BSPRY: variants seen among roughly 807,000 people sequenced by gnomAD.
BSPRY encodes the protein B box and SPRY domain-containing protein.
A neutral mutation model predicts 38.0 loss-of-function variants in BSPRY; 33 were observed. That is an observed-to-expected ratio of 0.87 (90% confidence interval 0.66 to 1.16). The LOEUF (loss-of-function observed/expected upper bound fraction) is 1.16. BSPRY is among the 50% of genes most tolerant of loss of function. BSPRY has a pLI of 0.00. For missense variants in BSPRY, 523 were observed against 533.2 expected (o/e 0.98, Z 0.19); for synonymous variants, 224 against 228.5 (o/e 0.98, Z 0.18).
Position 113,360,563 on chromosome 9 carries a change from T to G in BSPRY, c.357T>G (p.Ser119Arg), listed in dbSNP as rs1192091518. The G allele has an allele frequency of 3.7e-6, 6 of 1,607,446 alleles. No individual in the cohort carries two copies. Among genetic ancestry groups the G allele is most frequent in the Non-Finnish European group, 5.1e-6 (6 of 1,178,458 alleles). Residue 119 changes from serine to arginine, a missense_variant, in exon 3 of 6, where the codon AGT becomes AGG. Coordinates refer to ENST00000374183, the MANE Select transcript of BSPRY (RefSeq NM_017688.3). Reference sequence around the variant, plus strand: ...TCCAGCGGTTGAGTCTGGTGAGGAGTCTTTGCGAGAGCGAGGAGCAGCGGT... The same window carrying G: ...TCCAGCGGTTGAGTCTGGTGAGGAGGCTTTGCGAGAGCGAGGAGCAGCGGT... ...LVIQRLSLVR[S>R]LCESEEQRLL...
chr9:113,363,907 A>AAT (rs1834199166), intron 4 of BSPRY, among the ~76,000 whole-genome samples: 1 of 134,210 alleles, frequency 7.5e-6, no homozygotes, highest in South Asian at 2.4e-4. Flanking sequence ...AAAAAAAAAA[A>AAT]GCTGGGCGTG....
rs1450018196 is a variant in BSPRY, at chr9:113,349,684, C to T, written c.105C>T (p.Ser35=). 1 of 1,240,008 alleles carries T rather than the reference C, an allele frequency of 8.1e-7. No individual in the cohort carries two copies. Among genetic ancestry groups the T allele is most frequent in the South Asian group, 3.3e-5 (1 of 30,494 alleles). 76.8% of individuals were successfully genotyped at this position (1,240,008 alleles called of 1,614,324 possible). ...HGQALSWFCG[S]ERRPVCAACA... is the part of the protein sequence containing the mutation. ...AGGCTCTGAGCTGGTTCTGCGGCTCCGAGCGACGGCCCGTGTGCGCCGCCT... is the reference window on the plus strand; with the variant it reads ...AGGCTCTGAGCTGGTTCTGCGGCTCTGAGCGACGGCCCGTGTGCGCCGCCT... The change falls in exon 1 of 6, where the codon TCC becomes TCT. Residue 35 remains serine, a synonymous_variant. Transcript: ENST00000374183.
At chr9:113,361,278 T>C (rs1356349723) in intron 3 of BSPRY, among the ~76,000 whole-genome samples, 1 of 152,246 alleles carries the variant, frequency 6.6e-6, no homozygotes, top group Non-Finnish European at 1.5e-5. Flanking sequence ...AAGTCTGCCT[T>C]ACTGTGCTCT....
chr9:113,364,327 G>C (rs868848824), intron 4 of BSPRY, among the ~76,000 whole-genome samples: 20 of 152,174 alleles, frequency 1.3e-4, no homozygotes, highest in Admixed American at 2.0e-4. Context: ...AAATATTGCA[G>C]TGTAGACGGA....
intron 4 of BSPRY, among the ~76,000 whole-genome samples, chr9:113,366,075 G>A (rs975098828): frequency 6.6e-6 from 1 of 152,108 alleles, no homozygotes; most frequent in Non-Finnish European, 1.5e-5. Flanking sequence ...AAAGTGCTGG[G>A]ATTACAGGCA....
At chr9:113,364,579 C>T (rs944075173) in intron 4 of BSPRY, among the ~76,000 whole-genome samples, 1 of 151,894 alleles carries the variant, frequency 6.6e-6, no homozygotes, top group Non-Finnish European at 1.5e-5. Flanking sequence ...GGTAGTATAA[C>T]GAGCTTCACG....
chr9:113,369,921 T>G lies in BSPRY; in HGVS notation c.988T>G (p.Tyr330Asp). 6.2e-7 allele frequency: 1 copy of G among 1,614,238 alleles called. No individual in the cohort carries two copies. The highest frequency in any genetic ancestry group is 8.5e-7 in the Non-Finnish European group (1 of 1,180,042). Residue 330 changes from tyrosine (Y) to aspartate (D), a missense_variant, in exon 6 of 6, where the codon TAT becomes GAT. Transcript: ENST00000374183. Reference protein sequence around the residue: ...HNAFSWVFSRYDQEFRFSHNG... With the variant: ...HNAFSWVFSRDDQEFRFSHNG... ...TGCCTTCTCCTGGGTCTTCTCTCGC[T>G]ATGATCAGGAGTTTCGTTTCTCACA...
intron 2 of BSPRY, among the ~76,000 whole-genome samples, chr9:113,359,174 GT>G (rs1834111120): frequency 6.6e-6 from 1 of 152,146 alleles, no homozygotes; most frequent in Non-Finnish European, 1.5e-5. Flanking sequence ...TATGAGGTAG[GT>G]ACTATTATTA....
intron 3 of BSPRY, among the ~76,000 whole-genome samples, chr9:113,361,876 G>A (rs192894727): frequency 7.0e-4 from 106 of 152,328 alleles, no homozygotes; most frequent in Admixed American, 6.9e-3. Flanking sequence ...CACAAGCAGA[G>A]GAAAGAGAAT....
rs1588069401 is a variant in BSPRY, at chr9:113,368,155, G to A, written c.558-104G>A. 13 of 1,424,330 alleles carry A rather than the reference G, an allele frequency of 9.1e-6. No individual in the cohort carries two copies. In the South Asian group the frequency reaches 1.0e-4, roughly 11 times the overall value. The allele number at this position is 1,424,330 out of a possible 1,614,324, so 88.2% of individuals were successfully genotyped here. On this transcript the variant is annotated intron_variant, in intron 4 of 5. Transcript: ENST00000374183. The stretch of plus-strand genomic sequence containing the variant: ...GGCCCTAGCTGCCAATCTTGGTATC[G>A]CCTGATAGGAGATTTTACTTCTGTT...
intron 3 of BSPRY, among the ~76,000 whole-genome samples, chr9:113,360,987 C>T (rs543672107): frequency 9.2e-5 from 14 of 152,208 alleles, no homozygotes; most frequent in African/African-American, 3.1e-4. Context: ...CAGAAACCCC[C>T]ATCCTTGATA....
Position 113,363,796 on chromosome 9 carries a change from T to C in BSPRY, c.557+1402T>C, listed in dbSNP as rs1834195606. Among the ~76,000 whole-genome samples, 10 of 141,818 alleles carry C rather than the reference T, an allele frequency of 7.1e-5. No individual in the cohort carries two copies. The South Asian group carries it at 1.8e-3, about 25-fold the overall frequency. 93.0% of individuals were successfully genotyped at this position (141,818 alleles called of 152,430 possible). ...AGGAGGCTGAGGCAGGAGAATCTCT[T>C]GAACCCAGGAGGCGGAGGTTGCAGT... is the stretch of plus-strand genomic sequence containing the variant. On this transcript the variant is annotated intron_variant, in intron 4 of 5. Transcript: ENST00000374183.
At chr9:113,356,372 G>A (rs373849500) in intron 2 of BSPRY, among the ~76,000 whole-genome samples, 1 of 152,168 alleles carries the variant, frequency 6.6e-6, no homozygotes, top group Non-Finnish European at 1.5e-5. Flanking sequence ...GGGCATGGTG[G>A]CGGGCGCCTG....
intron 2 of BSPRY, among the ~76,000 whole-genome samples, chr9:113,356,698 G>A (rs949801443): frequency 3.9e-5 from 6 of 152,168 alleles, no homozygotes; most frequent in Non-Finnish European, 7.3e-5. Flanking sequence ...GAGGCAACAG[G>A]ATTTGCTGAT....
chr9:113,364,615 T>G (rs1347066399), intron 4 of BSPRY, among the ~76,000 whole-genome samples: 1 of 152,178 alleles, frequency 6.6e-6, no homozygotes, highest in Non-Finnish European at 1.5e-5. Flanking sequence ...GTTGACATTT[T>G]GCCACATTCA....
rs908530652 is a variant in BSPRY, at chr9:113,370,752, C to T, written c.*610C>T. On this transcript the variant is annotated 3_prime_UTR_variant, in exon 6 of 6. Coordinates refer to ENST00000374183, the MANE Select transcript of BSPRY (RefSeq NM_017688.3). This position sits in a 1 kb window ranked among gnomAD's most constrained non-coding sequence, Gnocchi z 4.8. ...CTGGAGAAGCACTGCCATTCAGCCT[C>T]CTGCTCCAGCTGTTCACATGCAGAA... 1.3e-5 allele frequency: 2 copies of T among 152,238 alleles called. No homozygotes were observed. Among genetic ancestry groups the T allele is most frequent in the African/African-American group, 4.8e-5 (2 of 41,450 alleles). The allele number at this position is 152,238 out of a possible 1,614,324, so 9.4% of individuals were successfully genotyped here.
chr9:113,351,759 G>A (rs1361760368), intron 1 of BSPRY, among the ~76,000 whole-genome samples: 1 of 151,912 alleles, frequency 6.6e-6, no homozygotes, highest in Admixed American at 6.6e-5. Context: ...TTGGGCCTCA[G>A]CTTTCCCGTT....
At chr9:113,363,926 C>G (rs192511528) in intron 4 of BSPRY, among the ~76,000 whole-genome samples, 1 of 140,524 alleles carries the variant, frequency 7.1e-6, no homozygotes. Context: ...TGATGACTCA[C>G]GCCTGTAATC....
intron 3 of BSPRY, among the ~76,000 whole-genome samples, chr9:113,361,181 A>G (rs142347397): frequency 0.014 from 2,193 of 152,208 alleles, 34 homozygotes; most frequent in South Asian, 0.083. Flanking sequence ...CTCCTTAGCT[A>G]TAAATTCCTA....
Sources: allele counts gnomAD v4.1 joint callset (sites outside exome capture counted in the v4.1 genomes callset), GRCh38; gene constraint gnomAD v4.1.1; non-coding constraint Gnocchi (gnomAD v3.1); transcripts MANE v1.5; gene names NCBI Gene and HGNC (gene_info 2026-07-23, HGNC 2026-07-21).